The following KIDINS220 variants were observed in gnomAD, a reference collection of about 807,000 sequenced individuals.
KIDINS220 encodes kinase D interacting substrate 220, also known as kinase D-interacting substrate of 220 kDa.
KIDINS220 carries 63 observed loss-of-function variants against 157.6 expected under a neutral mutation model. The observed-to-expected ratio is 0.40, with a 90% CI of 0.33 to 0.49. The LOEUF (loss-of-function observed/expected upper bound fraction) is 0.49, where lower values mean the gene tolerates loss of function less well. Among genes scored for constraint, KIDINS220 ranks in the 20% least tolerant of loss-of-function variants. KIDINS220 has a pLI of 0.66. For synonymous variants in KIDINS220, 732 were observed against 783.6 expected (o/e 0.93, Z 1.10); for missense variants, 1,772 against 2,171.2 (o/e 0.82, Z 3.65).
intron 3 of KIDINS220, 111 bp from the exon 4 acceptor site, chr2:8,817,827 T>G: frequency 4.5e-6 from 3 of 668,918 alleles, no homozygotes; most frequent in Non-Finnish European, 7.5e-6. Context: ...GTTGACATGG[T>G]GTGACCCATG....
At chr2:8,727,400 C>T (rs528714022), downstream of KIDINS220, 18 of 266,376 alleles carry the variant, frequency 6.8e-5, 1 homozygote, top group South Asian at 1.3e-4. Flanking sequence ...GGCACGGTGC[C>T]TTCTAGTGCT....
At chr2:8,835,276 G>T (rs1680239595) in intron 1 of KIDINS220, among the ~76,000 whole-genome samples, 1 of 152,160 alleles carries the variant, frequency 6.6e-6, no homozygotes, top group Non-Finnish European at 1.5e-5. Flanking sequence ...GTATGCTAAA[G>T]ATACCTCTTC....
At chr2:8,780,586 G>A (rs1342752457) in intron 17 of KIDINS220, among the ~76,000 whole-genome samples, 10 of 151,546 alleles carry the variant, frequency 6.6e-5, no homozygotes, top group African/African-American at 2.4e-5. Flanking sequence ...TATTATGTAT[G>A]CTTATAAATG....
rs1444685604 is a variant in KIDINS220 at position 8,798,243 on chromosome 2, C to T, written c.958G>A (p.Asp320Asn). Residue 320 changes from aspartate to asparagine, a missense_variant, in exon 10 of 30, where the codon GAT becomes AAT. Coordinates refer to ENST00000256707, the MANE Select transcript of KIDINS220 (RefSeq NM_020738.4). ...VEKGNATMVRDILQCNPDTEI... is the reference protein window; with the variant it reads ...VEKGNATMVRNILQCNPDTEI... ...GTGTCAGGATTGCACTGTAAGATAT[C>T]TCTCACCATTGTTGCATTTCCTTTC... is the stretch of plus-strand genomic sequence containing the variant. 72 of 1,612,594 alleles carry T rather than the reference C, an allele frequency of 4.5e-5. 1 individual carries two copies. The highest frequency in any genetic ancestry group is 6.0e-5 in the Non-Finnish European group (71 of 1,178,798).
intron 26 of KIDINS220, among the ~76,000 whole-genome samples, chr2:8,739,814 A>C (rs952435758): frequency 2.0e-5 from 3 of 152,220 alleles, no homozygotes; most frequent in African/African-American, 7.2e-5. Flanking sequence ...TAGTGTGTTT[A>C]AACTGTTAAA....
At chr2:8,811,586 G>T (rs1676318044) in intron 6 of KIDINS220, among the ~76,000 whole-genome samples, 1 of 152,194 alleles carries the variant, frequency 6.6e-6, no homozygotes, top group South Asian at 2.1e-4. Flanking sequence ...ACAATCGGTT[G>T]TATCTAAAAC....
At chr2:8,735,183 T>A (rs1455997817) in intron 27 of KIDINS220, among the ~76,000 whole-genome samples, 1 of 152,202 alleles carries the variant, frequency 6.6e-6, no homozygotes. Flanking sequence ...AACTTGTTTA[T>A]CCGTTATATT....
Position 8,788,751 on chromosome 2 carries a change from G to C in KIDINS220, c.1683C>G (p.Ser561Arg). ...GESWNWAWVL[S>R]TRLARHIGYL... Reference sequence around the variant, plus strand: ...ATCCAATATGTCTTGCCAATCTAGTGCTGAGGACCCAGGCCCAATTCCAAC... The same window carrying C: ...ATCCAATATGTCTTGCCAATCTAGTCCTGAGGACCCAGGCCCAATTCCAAC... The change falls in exon 15 of 30, where the codon AGC becomes AGG. Residue 561 changes from serine to arginine, a missense_variant. By Grantham distance (110) the Ser-to-Arg change is moderately radical. Around this residue, in one of 3 missense-constraint regions of KIDINS220, gnomAD observed 725 missense variants for 1,017.1 expected, o/e 0.71. Transcript: ENST00000256707. 6.2e-7 allele frequency: 1 copy of C among 1,614,028 alleles called. No individual in the cohort carries two copies. The highest frequency in any genetic ancestry group is 8.5e-7 in the Non-Finnish European group (1 of 1,179,946).
downstream of KIDINS220, chr2:8,726,957 G>T: frequency 2.3e-6 from 3 of 1,280,140 alleles, no homozygotes; most frequent in Non-Finnish European, 3.1e-6. Flanking sequence ...GGCATGAAAG[G>T]GTTTAAAATT....
chr2:8,805,573 C>T (rs1373841691), intron 7 of KIDINS220, among the ~76,000 whole-genome samples: 1 of 152,006 alleles, frequency 6.6e-6, no homozygotes, highest in African/African-American at 2.4e-5. Context: ...GACAAAAGGC[C>T]AAATATAACC....
Position 8,818,764 on chromosome 2 carries a change from G to A in KIDINS220, c.138C>T (p.Ala46=), listed in dbSNP as rs377042462. ...TCACTATTTCCAGATTGCCTTGTTCGGCAGCTATCATCAGTGGAGTCTGGC... is the reference window on the plus strand; with the variant it reads ...TCACTATTTCCAGATTGCCTTGTTCAGCAGCTATCATCAGTGGAGTCTGGC... ...ECGQTPLMIA[A]EQGNLEIVKE... Residue 46 remains alanine, a synonymous_variant, in exon 3 of 30, where the codon GCC becomes GCT. Coordinates refer to ENST00000256707, the MANE Select transcript of KIDINS220 (RefSeq NM_020738.4). 121 of 1,609,230 alleles carry A rather than the reference G, an allele frequency of 7.5e-5. No homozygotes were observed. Among genetic ancestry groups the A allele is most frequent in the South Asian group, 9.9e-5 (9 of 90,684 alleles).
At chr2:8,799,217 A>G (rs756808775) in intron 9 of KIDINS220, among the ~76,000 whole-genome samples, 9 of 151,262 alleles carry the variant, frequency 5.9e-5, no homozygotes, top group Non-Finnish European at 1.2e-4. Flanking sequence ...AATTTTCTCT[A>G]ATTTTCTCAT....
intron 8 of KIDINS220, among the ~76,000 whole-genome samples, chr2:8,801,271 A>G (rs1674647271): frequency 6.6e-6 from 1 of 152,356 alleles, no homozygotes; most frequent in Non-Finnish European, 1.5e-5. Context: ...CTGCAGCTCA[A>G]TTCAATCCTG....
chr2:8,747,561 C>T (rs1425585050), intron 25 of KIDINS220: 1 of 334,808 alleles, frequency 3.0e-6, no homozygotes, highest in Non-Finnish European at 5.4e-6. Context: ...GTACTGTATA[C>T]ACATGTTCTT....
intron 22 of KIDINS220, chr2:8,757,741 T>C (rs777283808): frequency 1.9e-6 from 3 of 1,612,366 alleles, no homozygotes; most frequent in South Asian, 2.2e-5. Context: ...AACACTGACT[T>C]GGAAATGCCA....
intron 5 of KIDINS220, among the ~76,000 whole-genome samples, chr2:8,812,960 G>A (rs896591531): frequency 6.6e-6 from 1 of 152,080 alleles, no homozygotes; most frequent in Admixed American, 6.5e-5. Context: ...CAGAAAAGAG[G>A]AAGATGACTA....
chr2:8,730,949 T>C lies in KIDINS220; in HGVS notation c.5087A>G (p.Asn1696Ser), dbSNP rs752145550. ...NNNSAPANRANQNFDEMEGIR... is the reference protein window; with the variant it reads ...NNNSAPANRASQNFDEMEGIR... ...TCCCTCCATCTCATCGAAATTTTGA[T>C]TGGCTCTGTTGGCTGGAGCACTATT... Residue 1696 changes from asparagine (N) to serine (S), a missense_variant, in exon 30 of 30, where the codon AAT becomes AGT. By Grantham distance (46) the Asn-to-Ser change is conservative. Around this residue, in one of 3 missense-constraint regions of KIDINS220, gnomAD observed 793 missense variants for 885.5 expected, o/e 0.90. Coordinates refer to ENST00000256707, the MANE Select transcript of KIDINS220 (RefSeq NM_020738.4). 2.5e-6 allele frequency: 4 copies of C among 1,614,242 alleles called. No individual in the cohort carries two copies. The East Asian group carries it at 6.7e-5, about 27-fold the overall frequency.
intron 21 of KIDINS220, among the ~76,000 whole-genome samples, chr2:8,773,664 G>A (rs1670545913): frequency 6.6e-6 from 1 of 152,024 alleles, no homozygotes; most frequent in African/African-American, 2.4e-5. Flanking sequence ...TAAAGACGGG[G>A]TTTCATCATG....
chr2:8,818,824 TC>T, intron 2 of KIDINS220, 31 bp from the exon 3 acceptor site: 1 of 1,251,660 alleles, frequency 8.0e-7, no homozygotes, highest in Non-Finnish European at 1.1e-6. Context: ...AGGGAACTTA[TC>T]AAGTTACTGC....
Sources: allele counts gnomAD v4.1 joint callset (sites outside exome capture counted in the v4.1 genomes callset), GRCh38; gene constraint gnomAD v4.1.1; regional missense constraint gnomAD v4.1.1; transcripts MANE v1.5; gene names NCBI Gene and HGNC (gene_info 2026-07-23, HGNC 2026-07-21).